The following CRIM1 variants were observed in gnomAD, a reference collection of about 807,000 sequenced individuals.
CRIM1 encodes cysteine rich transmembrane BMP regulator 1.
In CRIM1, 32 loss-of-function variants were observed where a neutral mutation model predicts 116.4. The ratio of observed to expected loss-of-function variants is 0.27; its 90% CI spans 0.21 to 0.37. CRIM1 has a LOEUF of 0.37. Among genes scored for constraint, CRIM1 ranks in the 10% least tolerant of loss-of-function variants. CRIM1 has a pLI of 1.00. For missense variants in CRIM1, 1,331 were observed against 1,354.8 expected (o/e 0.98, Z 0.28); for synonymous variants, 590 against 509.2 (o/e 1.16, Z -2.13).
At chr2:36,391,342 A>T (rs765074919) in intron 1 of CRIM1, among the ~76,000 whole-genome samples, 36 of 150,402 alleles carry the variant, frequency 2.4e-4, no homozygotes, top group Non-Finnish European at 4.3e-4. Flanking sequence ...GTTAGCCAGG[A>T]TGGTCTCGAT....
At position 36,364,647 on chromosome 2, in the gene CRIM1, C is replaced by G. The variant is rs552303808; in HGVS notation, c.331+8024C>G. Among the ~76,000 whole-genome samples, 22 of 152,270 alleles carry G rather than the reference C, an allele frequency of 1.4e-4. 1 individual carries two copies. Among genetic ancestry groups the G allele is most frequent in the Admixed American group, 8.5e-4 (13 of 15,296 alleles). ...AGGAAAAAGAAAATAGGGCTTGGGG[C>G]TAGACAAACCTGCATTGAAATCTTA... On this transcript the variant is annotated intron_variant, in intron 1 of 16. Coordinates refer to ENST00000280527, the MANE Select transcript of CRIM1 (RefSeq NM_016441.3).
In CRIM1 at chr2:36,522,216, C is replaced by G; in HGVS notation, c.2331C>G (p.Cys777Trp). 1 of 1,614,170 alleles carries G rather than the reference C, an allele frequency of 6.2e-7. No individual in the cohort carries two copies. The highest frequency in any genetic ancestry group is 8.5e-7 in the Non-Finnish European group (1 of 1,180,022). ...WKPDVCTSCI[C>W]IDSVISCFSE... The stretch of plus-strand genomic sequence containing the variant: ...CTGACGTTTGTACCAGCTGCATCTG[C>G]ATTGATAGCGTAATTAGCTGTTTCT... Residue 777 changes from cysteine to tryptophan, a missense_variant, in exon 13 of 17, where the codon TGC becomes TGG. Physicochemically the swap from Cys to Trp is radical, Grantham distance 215 (BLOSUM62 -2). This residue lies in a region of CRIM1 where 358 missense variants were observed against 436.1 expected (regional missense o/e 0.82). Transcript: ENST00000280527.
At chr2:36,538,195 C>G (rs556520413) in intron 14 of CRIM1, among the ~76,000 whole-genome samples, 15 of 152,280 alleles carry the variant, frequency 9.9e-5, no homozygotes, top group Admixed American at 3.9e-4. Flanking sequence ...AGTTTCAAAC[C>G]TAAGTCCTTC....
At chr2:36,509,079 C>G (rs1344762739) in intron 8 of CRIM1, among the ~76,000 whole-genome samples, 1 of 152,122 alleles carries the variant, frequency 6.6e-6, no homozygotes, top group African/African-American at 2.4e-5. Flanking sequence ...AAATGTAACA[C>G]TGAATATTTT....
rs1674212955 is a variant in CRIM1 at position 36,423,375 on chromosome 2, A to G, written c.506-17883A>G. On this transcript the variant is annotated intron_variant, in intron 2 of 16. Coordinates refer to ENST00000280527, the MANE Select transcript of CRIM1 (RefSeq NM_016441.3). ...GACCTGTGAATAGTCCATAAAGTTA[A>G]TTACACCTTGAGACACACCCTCTGC... Among the ~76,000 whole-genome samples the G allele has an allele frequency of 2.0e-5, 3 of 152,208 alleles. 1 individual carries two copies. The South Asian group carries it at 6.2e-4, about 31-fold the overall frequency.
intron 1 of CRIM1, among the ~76,000 whole-genome samples, chr2:36,363,080 A>G (rs570472605): frequency 4.0e-5 from 6 of 151,780 alleles, no homozygotes; most frequent in Non-Finnish European, 7.4e-5. Flanking sequence ...GGCCCCTGTA[A>G]TCCCAGCTAC....
At chr2:36,489,128 A>G (rs1680047023) in intron 7 of CRIM1, among the ~76,000 whole-genome samples, 2 of 152,174 alleles carry the variant, frequency 1.3e-5, no homozygotes. Context: ...AATGAGGTAT[A>G]TTTATGTGCT....
At chr2:36,462,211 A>G (rs1164650678) in intron 4 of CRIM1, among the ~76,000 whole-genome samples, 1 of 152,232 alleles carries the variant, frequency 6.6e-6, no homozygotes, top group Non-Finnish European at 1.5e-5. Context: ...GGACTTTAAA[A>G]AAAAAATAGG....
chr2:36,449,850 G>T (rs556310482), intron 4 of CRIM1, among the ~76,000 whole-genome samples: 123 of 146,050 alleles, frequency 8.4e-4, no homozygotes, highest in Middle Eastern at 3.4e-3. Context: ...AGAATTATGG[G>T]TTTTTTCTTT....
intron 1 of CRIM1, among the ~76,000 whole-genome samples, chr2:36,366,723 T>C (rs1380406371): frequency 2.0e-5 from 3 of 152,236 alleles, no homozygotes; most frequent in Non-Finnish European, 2.9e-5. Flanking sequence ...AGGTAACTTA[T>C]TTAGCTTCTT....
At chr2:36,359,124 G>A (rs1333243535) in intron 1 of CRIM1, among the ~76,000 whole-genome samples, 3 of 152,156 alleles carry the variant, frequency 2.0e-5, no homozygotes, top group Admixed American at 2.0e-4. Context: ...TTCACGTGGT[G>A]AAGCATGGTT....
At chr2:36,542,451 C>T (rs1165403805) in intron 14 of CRIM1, among the ~76,000 whole-genome samples, 1 of 152,210 alleles carries the variant, frequency 6.6e-6, no homozygotes, top group Non-Finnish European at 1.5e-5. Context: ...GAAATCTACC[C>T]ATATGCAGGG....
chr2:36,452,741 C>G (rs2124973432), intron 4 of CRIM1, among the ~76,000 whole-genome samples: 1 of 152,098 alleles, frequency 6.6e-6, no homozygotes, highest in East Asian at 1.9e-4. Flanking sequence ...TTGTATTTGT[C>G]TTAGTCCCGA....
chr2:36,452,623 T>C (rs1206905027), intron 4 of CRIM1, among the ~76,000 whole-genome samples: 1 of 152,212 alleles, frequency 6.6e-6, no homozygotes, highest in Non-Finnish European at 1.5e-5. Context: ...AGTAGAGTGT[T>C]TGATTTGTCA....
At chr2:36,399,282 G>A (rs1672252062) in intron 2 of CRIM1, among the ~76,000 whole-genome samples, 1 of 152,224 alleles carries the variant, frequency 6.6e-6, no homozygotes, top group African/African-American at 2.4e-5. Context: ...GTCAACATTA[G>A]GCAGACTTTG....
intron 8 of CRIM1, chr2:36,499,557 C>T: frequency 1.9e-6 from 1 of 524,262 alleles, no homozygotes; most frequent in Non-Finnish European, 3.3e-6. Context: ...TCTCTGTTTC[C>T]TTGATGGCCA....
chr2:36,396,075 T>G (rs1041565516), intron 1 of CRIM1, among the ~76,000 whole-genome samples: 2 of 152,018 alleles, frequency 1.3e-5, no homozygotes, highest in Admixed American at 1.3e-4. Context: ...CCCAGCTAAT[T>G]TTTTGTTTTG....
intron 5 of CRIM1, among the ~76,000 whole-genome samples, 160 bp downstream of exon 5, chr2:36,464,815 T>C (rs913669609): frequency 2.6e-5 from 4 of 152,112 alleles, no homozygotes; most frequent in Non-Finnish European, 2.9e-5. Context: ...CACAGTGCAG[T>C]AAAGAAAGTT....
At chr2:36,361,627 A>G (rs1244068068) in intron 1 of CRIM1, among the ~76,000 whole-genome samples, 1 of 152,178 alleles carries the variant, frequency 6.6e-6, no homozygotes, top group Non-Finnish European at 1.5e-5. Context: ...AGAATAATCC[A>G]AAACACATTC....
Sources: allele counts gnomAD v4.1 joint callset (sites outside exome capture counted in the v4.1 genomes callset), GRCh38; gene constraint gnomAD v4.1.1; regional missense constraint gnomAD v4.1.1; transcripts MANE v1.5; gene names NCBI Gene and HGNC (gene_info 2026-07-23, HGNC 2026-07-21).